DOK4: variants seen among roughly 807,000 people sequenced by gnomAD.
The protein encoded by DOK4 is docking protein 4.
DOK4 carries 26 observed loss-of-function variants against 40.1 expected under a neutral mutation model. The observed-to-expected ratio is 0.65, with a 90% CI of 0.48 to 0.90. The LOEUF is 0.90. Among genes scored for constraint, DOK4 ranks in the 40% least tolerant of loss-of-function variants. The probability of loss-of-function intolerance (pLI) is 0.00; values close to 1 mark genes in which losing one functional copy is unlikely to be tolerated. For missense variants in DOK4, 392 were observed against 437.2 expected (o/e 0.90, Z 0.92); for synonymous variants, 179 against 177.0 (o/e 1.01, Z -0.09).
chr16:57,475,336 G>T, intron 4 of DOK4, 117 bp from the exon 5 acceptor site: 1 of 1,509,584 alleles, frequency 6.6e-7, no homozygotes, highest in Non-Finnish European at 8.9e-7. Flanking sequence ...GGTTCTGCCT[G>T]CCTGTCTTGC....
rs896516501 is a variant in DOK4, at chr16:57,485,640, C to A, written c.-182+665G>T. ...CTTGGGGCAGGCAGGCTGCACAGAGCCCCTGCTCTGCCACATCACCCAGGT... is the reference window on the plus strand; with the variant it reads ...CTTGGGGCAGGCAGGCTGCACAGAGACCCTGCTCTGCCACATCACCCAGGT... On this transcript the variant is annotated intron_variant, in intron 1 of 8. Transcript: ENST00000340099. The surrounding 1 kb of genome is among the most constrained non-coding windows in gnomAD (Gnocchi z 4.3). Among the ~76,000 whole-genome samples, 1 of 152,212 alleles carries A rather than the reference C, an allele frequency of 6.6e-6. No homozygotes were observed. Among genetic ancestry groups the A allele is most frequent in the Admixed American group, 6.5e-5 (1 of 15,290 alleles).
chr16:57,478,400 G>A (rs1226456567), intron 2 of DOK4: 2 of 142,680 alleles, frequency 1.4e-5, no homozygotes, highest in South Asian at 2.2e-4. Context: ...AGGGATCCTT[G>A]AGCAGCCTGA....
In DOK4 at chr16:57,485,893, T is replaced by G. The variant is rs2031525464; in HGVS notation, c.-182+412A>C. ...GGTACAGAAAATCATCTCTTGGAATTTGGAGGAGGTGAGCGAACAGGAGGC... is the reference window on the plus strand; with the variant it reads ...GGTACAGAAAATCATCTCTTGGAATGTGGAGGAGGTGAGCGAACAGGAGGC... On this transcript the variant is annotated intron_variant, in intron 1 of 8. Transcript: ENST00000340099. This position sits in a 1 kb window ranked among gnomAD's most constrained non-coding sequence, Gnocchi z 4.3. Among the ~76,000 whole-genome samples the G allele has an allele frequency of 6.6e-6, 1 of 151,400 alleles. No individual in the cohort carries two copies. Among genetic ancestry groups the G allele is most frequent in the Non-Finnish European group, 1.5e-5 (1 of 67,808 alleles).
At position 57,475,844 on chromosome 16, in the gene DOK4, C is replaced by T. The variant is rs2031151633; in HGVS notation, c.174+6G>A. ...CTTGGGGGAGCTAGGGCCCAGGCCT[C>T]CTAACCTTGGGGCAGCCCCGGAGGC... On this transcript the variant is annotated splice_donor_region_variant and intron_variant, in intron 3 of 8. Transcript: ENST00000340099. 4 of 1,611,650 alleles carry T rather than the reference C, an allele frequency of 2.5e-6. No homozygotes were observed. The East Asian group carries it at 9.0e-5, about 36-fold the overall frequency.
At position 57,479,338 on chromosome 16, in the gene DOK4, C is replaced by G. The variant is rs1267289025; in HGVS notation, c.66+104G>C. The G allele has an allele frequency of 7.6e-7, 1 of 1,314,252 alleles. No homozygotes were observed. Among genetic ancestry groups the G allele is most frequent in the African/African-American group, 1.5e-5 (1 of 68,304 alleles). The allele number at this position is 1,314,252 out of a possible 1,614,324, so 81.4% of individuals were successfully genotyped here. ...CCACAGATGCACGATGCCCGGCAGCCGGAGGGCAGCCGCGTGCCCCACGCG... is the reference window on the plus strand; with the variant it reads ...CCACAGATGCACGATGCCCGGCAGCGGGAGGGCAGCCGCGTGCCCCACGCG... On this transcript the variant is annotated intron_variant, in intron 2 of 8. Coordinates refer to ENST00000340099, the Ensembl canonical transcript of DOK4. The surrounding 1 kb of genome is among the most constrained non-coding windows in gnomAD (Gnocchi z 5.8).
chr16:57,476,829 G>T (rs193115663), intron 2 of DOK4, among the ~76,000 whole-genome samples: 17 of 152,350 alleles, frequency 1.1e-4, no homozygotes, highest in Admixed American at 1.1e-3. Context: ...TCCCCCAAGG[G>T]GGTGGGGAGC....
chr16:57,483,023 G>A (rs1426862629), intron 1 of DOK4, among the ~76,000 whole-genome samples: 1 of 152,184 alleles, frequency 6.6e-6, no homozygotes, highest in Non-Finnish European at 1.5e-5. Context: ...ACCTTCACGG[G>A]GAAGGCTGGG....
chr16:57,484,386 C>T (rs1279036688), intron 1 of DOK4: 2 of 152,516 alleles, frequency 1.3e-5, no homozygotes, highest in African/African-American at 4.8e-5. Context: ...GCCCCCACCC[C>T]ACCCCAAGAT....
intron 2 of DOK4, among the ~76,000 whole-genome samples, chr16:57,478,045 C>T (rs1182279354): frequency 6.6e-6 from 1 of 152,230 alleles, no homozygotes; most frequent in Admixed American, 6.5e-5. Flanking sequence ...CCCAGCTGGC[C>T]CCTGGGGACC....
At chr16:57,483,201 A>G (rs547211910) in intron 1 of DOK4, among the ~76,000 whole-genome samples, 14 of 152,266 alleles carry the variant, frequency 9.2e-5, no homozygotes, top group African/African-American at 3.1e-4. Context: ...TGGACCCACA[A>G]ATTTGACAGG....
chr16:57,483,181 G>A (rs1389178025), intron 1 of DOK4, among the ~76,000 whole-genome samples: 2 of 152,192 alleles, frequency 1.3e-5, no homozygotes, highest in Non-Finnish European at 2.9e-5. Context: ...GAAAGGTCAG[G>A]GCCAATAGGT....
chr16:57,480,554 A>G (rs1283867395), intron 1 of DOK4: 1 of 152,440 alleles, frequency 6.6e-6, no homozygotes, highest in Non-Finnish European at 1.5e-5. Context: ...CCGGGCCCCA[A>G]CAGGCCACTG....
exon 6 of DOK4, chr16:57,474,909 G>T (rs373863803): frequency 4.3e-6 from 7 of 1,614,006 alleles, no homozygotes; most frequent in African/African-American, 2.7e-5. Flanking sequence ...AGATGTTCTC[G>T]TGGGTGATCT....
intron 2 of DOK4, among the ~76,000 whole-genome samples, chr16:57,477,551 C>T (rs1324238612): frequency 2.0e-5 from 3 of 152,204 alleles, no homozygotes; most frequent in African/African-American, 7.2e-5. Flanking sequence ...CCATGCAGCC[C>T]GCAGCATCAG....
At chr16:57,483,271 T>C (rs1376365044) in intron 1 of DOK4, among the ~76,000 whole-genome samples, 3 of 152,072 alleles carry the variant, frequency 2.0e-5, no homozygotes, top group African/African-American at 7.2e-5. Context: ...CCAGAAGGAA[T>C]GCACTGTGTT....
At chr16:57,476,699 A>G (rs1208603568) in intron 2 of DOK4, among the ~76,000 whole-genome samples, 1 of 152,198 alleles carries the variant, frequency 6.6e-6, no homozygotes, top group African/African-American at 2.4e-5. Flanking sequence ...TGTTTGAGGT[A>G]AAGGGGTGGA....
intron 4 of DOK4, 96 bp downstream of exon 4, chr16:57,475,410 C>T (rs182690966): frequency 1.3e-5 from 18 of 1,388,288 alleles, no homozygotes; most frequent in Non-Finnish European, 1.8e-5. Flanking sequence ...ACCACCATCT[C>T]CACCCAGGGT....
Position 57,473,898 on chromosome 16 carries a change from C to T in DOK4, c.738+3G>A, listed in dbSNP as rs2031011027. ...TACCCTGGACTGATGCCCGCTGCCT[C>T]ACCCTCACGTTCTTCTCCATTTCCA... is the stretch of plus-strand genomic sequence containing the variant. On this transcript the variant is annotated splice_donor_region_variant and intron_variant, in intron 7 of 8. Coordinates refer to ENST00000340099, the Ensembl canonical transcript of DOK4. The T allele has an allele frequency of 6.2e-7, 1 of 1,609,698 alleles. No homozygotes were observed. Among genetic ancestry groups the T allele is most frequent in the African/African-American group, 1.3e-5 (1 of 74,592 alleles).
chr16:57,473,024 A>G (rs1381854928), exon 9 of DOK4: 1 of 236,748 alleles, frequency 4.2e-6, no homozygotes, highest in Non-Finnish European at 8.3e-6. Flanking sequence ...TCATACTCAA[A>G]AACAGCCTTG....
Sources: allele counts gnomAD v4.1 joint callset (sites outside exome capture counted in the v4.1 genomes callset), GRCh38; gene constraint gnomAD v4.1.1; non-coding constraint Gnocchi (gnomAD v3.1); transcripts MANE v1.5; gene names NCBI Gene and HGNC (gene_info 2026-07-23, HGNC 2026-07-21).